The following KDM2B variants were observed in gnomAD, a reference collection of about 807,000 sequenced individuals.
KDM2B encodes the protein lysine demethylase 2B, also known as lysine-specific demethylase 2B.
KDM2B carries 26 observed loss-of-function variants against 150.0 expected under a neutral mutation model. That is an observed-to-expected ratio of 0.17 (90% confidence interval 0.13 to 0.24). The LOEUF (loss-of-function observed/expected upper bound fraction) is 0.24, where lower values mean the gene tolerates loss of function less well. Among genes scored for constraint, KDM2B ranks in the 10% least tolerant of loss-of-function variants. The pLI is 1.00. For missense variants in KDM2B, 1,265 were observed against 1,816.9 expected (o/e 0.70, Z 5.52); for synonymous variants, 734 against 729.5 (o/e 1.01, Z -0.10).
intron 11 of KDM2B, among the ~76,000 whole-genome samples, chr12:121,505,093 G>A (rs111985850): frequency 0.052 from 7,745 of 149,146 alleles, 267 homozygotes; most frequent in Middle Eastern, 0.1. Context: ...CTCCAGCCTG[G>A]GCAACAGAGC....
At position 121,513,059 on chromosome 12, in the gene KDM2B, G is replaced by A. The variant is rs1885730534; in HGVS notation, c.1174+217C>T. ...CAGCCATGGGCTGGAGGCCACACAC[G>A]TGACTCTTTTGGGGATCCGAATTCA... On this transcript the variant is annotated intron_variant, in intron 10 of 22. Coordinates refer to ENST00000377071, the MANE Select transcript of KDM2B (RefSeq NM_032590.5). This position sits in a 1 kb window ranked among gnomAD's most constrained non-coding sequence, Gnocchi z 5.0. Among the ~76,000 whole-genome samples, 1 of 152,256 alleles carries A rather than the reference G, an allele frequency of 6.6e-6. No individual in the cohort carries two copies. The highest frequency in any genetic ancestry group is 6.5e-5 in the Admixed American group (1 of 15,292).
At chr12:121,511,746 C>T (rs567536993) in intron 10 of KDM2B, among the ~76,000 whole-genome samples, 9 of 152,348 alleles carry the variant, frequency 5.9e-5, no homozygotes, top group African/African-American at 2.2e-4. Flanking sequence ...GATATGGGAA[C>T]TATATCCTAA....
intron 11 of KDM2B, among the ~76,000 whole-genome samples, chr12:121,508,002 C>A (rs1233423817): frequency 3.3e-5 from 5 of 152,182 alleles, no homozygotes; most frequent in African/African-American, 1.2e-4. Context: ...CAGAGTAACA[C>A]CCTGTCTGTC....
Position 121,457,243 on chromosome 12 carries a change from G to C in KDM2B, c.1735-3899C>G, listed in dbSNP as rs189514431. Among the ~76,000 whole-genome samples, 231 of 152,042 alleles carry C rather than the reference G, an allele frequency of 1.5e-3. 1 individual carries two copies. The highest frequency in any genetic ancestry group is 5.4e-3 in the African/African-American group (224 of 41,476). ...TTGGGTGCTACCCAAAGTTTCAAAC[G>C]CCAATTCTTTTCTTTTCTTTTCTTT... is the stretch of plus-strand genomic sequence containing the variant. On this transcript the variant is annotated intron_variant, in intron 12 of 22. Transcript: ENST00000377071.
Position 121,549,145 on chromosome 12 carries a change from C to T in KDM2B, c.577-162G>A, listed in dbSNP as rs1889292421. On this transcript the variant is annotated intron_variant, in intron 5 of 22. Coordinates refer to ENST00000377071, the MANE Select transcript of KDM2B (RefSeq NM_032590.5). The surrounding 1 kb of genome is among the most constrained non-coding windows in gnomAD (Gnocchi z 4.4). ...GGAAGGGCAGGGATGACAGGACCCA[C>T]ACTTTGTAGAAGGGAAGGAGATGAA... 6.6e-6 allele frequency among the ~76,000 whole-genome samples: 1 copy of T among 152,212 alleles called. No individual in the cohort carries two copies. Among genetic ancestry groups the T allele is most frequent in the Non-Finnish European group, 1.5e-5 (1 of 68,038 alleles).
upstream of KDM2B, among the ~76,000 whole-genome samples, chr12:121,582,049 T>A (rs544961029): frequency 6.6e-6 from 1 of 152,244 alleles, no homozygotes; most frequent in African/African-American, 2.4e-5. Flanking sequence ...ATCGCCCACG[T>A]TGGCTGCTGC....
At chr12:121,483,713 AACAAC>A (rs1166463845) in intron 12 of KDM2B, among the ~76,000 whole-genome samples, 19 of 94,302 alleles carry the variant, frequency 2.0e-4, no homozygotes, top group African/African-American at 8.8e-4. Context: ...AACAAACAAC[AACAAC>A]ACACACACAC....
chr12:121,412,126 A>G, the KDM2B span, among the ~76,000 whole-genome samples: 3 of 151,784 alleles, frequency 2.0e-5, no homozygotes, highest in African/African-American at 7.3e-5. Flanking sequence ...CAGTGGCGCA[A>G]TCTTGGCTCA....
intron 6 of KDM2B, among the ~76,000 whole-genome samples, chr12:121,543,484 C>T (rs534851304): frequency 5.9e-5 from 9 of 151,884 alleles, no homozygotes; most frequent in African/African-American, 2.2e-4. Flanking sequence ...AACACAGAGA[C>T]ATCCCCCTGC....
chr12:121,440,511 G>T, intron 21 of KDM2B: 1 of 406,484 alleles, frequency 2.5e-6, no homozygotes. Context: ...GAAAAGAAGT[G>T]AGATGCACGC....
rs76659022 is a variant in KDM2B at position 121,430,993 on chromosome 12, A to T, written c.3830-524T>A. ...TTGCAGGCCGCAGTGCTTTGGAGCA[A>T]TTCACAGCATGAGGGACAGCTGTTT... is the stretch of plus-strand genomic sequence containing the variant. On this transcript the variant is annotated intron_variant, in intron 22 of 22. Transcript: ENST00000377071. The surrounding 1 kb of genome is among the most constrained non-coding windows in gnomAD (Gnocchi z 4.4). Among the ~76,000 whole-genome samples the T allele has an allele frequency of 2.3e-4, 35 of 152,270 alleles. No individual in the cohort carries two copies. Among genetic ancestry groups the T allele is most frequent in the African/African-American group, 8.4e-4 (35 of 41,548 alleles).
intron 4 of KDM2B, among the ~76,000 whole-genome samples, chr12:121,556,852 TAA>T (rs782133921): frequency 8.3e-5 from 11 of 133,110 alleles, no homozygotes; most frequent in African/African-American, 1.4e-4. Flanking sequence ...ACTCTGTCCT[TAA>T]AAAAAAAAAA....
chr12:121,497,814 C>G (rs368343980), intron 11 of KDM2B, among the ~76,000 whole-genome samples: 2 of 151,860 alleles, frequency 1.3e-5, no homozygotes, highest in African/African-American at 4.8e-5. Flanking sequence ...TGGTTTAACT[C>G]TGGCCAGTTG....
At chr12:121,479,446 G>A (rs1362305543) in intron 12 of KDM2B, among the ~76,000 whole-genome samples, 9 of 137,846 alleles carry the variant, frequency 6.5e-5, no homozygotes, top group African/African-American at 8.6e-5. Context: ...CAGCCTGGGC[G>A]ACAGAGCGAG....
rs1555311371 is a variant in KDM2B, at chr12:121,549,373, T to C, written c.576+87A>G. The C allele has an allele frequency of 7.6e-7, 1 of 1,308,564 alleles. No individual in the cohort carries two copies. Among genetic ancestry groups the C allele is most frequent in the African/African-American group, 1.5e-5 (1 of 67,804 alleles). The allele number at this position is 1,308,564 out of a possible 1,614,324, so 81.1% of individuals were successfully genotyped here. ...GCCAGCCACACCCACATGAGCCTTT[T>C]TGCAAGGCACAACCCAGGTGGCAGG... On this transcript the variant is annotated intron_variant, in intron 5 of 22. Coordinates refer to ENST00000377071, the MANE Select transcript of KDM2B (RefSeq NM_032590.5). This position sits in a 1 kb window ranked among gnomAD's most constrained non-coding sequence, Gnocchi z 4.4.
At chr12:121,543,117 G>A (rs145556901) in intron 6 of KDM2B, among the ~76,000 whole-genome samples, 1,807 of 152,302 alleles carry the variant, frequency 0.012, 29 homozygotes, top group African/African-American at 0.042. Context: ...CACGTTGGGA[G>A]GCTGAGGCGG....
rs782797245 is a variant in KDM2B, at chr12:121,453,268, G to A, written c.1811C>T (p.Ala604Val). 3.7e-6 allele frequency: 6 copies of A among 1,607,930 alleles called. No homozygotes were observed. Among genetic ancestry groups the A allele is most frequent in the Non-Finnish European group, 5.1e-6 (6 of 1,177,502 alleles). ...TCGCGTCCGGCGCCGCCGAGCTCCT[G>A]CCGTTGTCCGGTTGGCGGCCAACTT... Reference protein sequence around the residue: ...AVKLAANRTTAGARRRRTRCR... With the variant: ...AVKLAANRTTVGARRRRTRCR... The change falls in exon 13 of 23, where the codon GCA (alanine) becomes GTA (valine). Residue 604 changes from alanine (A) to valine (V), a missense_variant. Ala to Val is a moderately conservative substitution (Grantham distance 64). Around this residue, in one of 11 missense-constraint regions of KDM2B, gnomAD observed 69 missense variants for 85.7 expected, o/e 0.81. Transcript: ENST00000377071. This position sits in a 1 kb window ranked among gnomAD's most constrained non-coding sequence, Gnocchi z 6.4.
At chr12:121,555,963 C>G (rs28845610) in intron 4 of KDM2B, among the ~76,000 whole-genome samples, 84,709 of 151,306 alleles carry the variant, frequency 0.56, 25,996 homozygotes, top group African/African-American at 0.82. Context: ...GTCTCACTCT[C>G]TCACCTACAC....
intron 11 of KDM2B, among the ~76,000 whole-genome samples, chr12:121,503,861 C>A (rs1884820916): frequency 6.6e-6 from 1 of 152,220 alleles, no homozygotes; most frequent in Non-Finnish European, 1.5e-5. Flanking sequence ...TCAGAATGGC[C>A]ATAAGAGTCC....
Sources: allele counts gnomAD v4.1 joint callset (sites outside exome capture counted in the v4.1 genomes callset), GRCh38; gene constraint gnomAD v4.1.1; regional missense constraint gnomAD v4.1.1; non-coding constraint Gnocchi (gnomAD v3.1); transcripts MANE v1.5; gene names NCBI Gene and HGNC (gene_info 2026-07-23, HGNC 2026-07-21).